The following CAMK4 variants were observed in gnomAD, a reference collection of about 807,000 sequenced individuals.
CAMK4 encodes the protein calcium/calmodulin dependent protein kinase IV, also known as calcium/calmodulin-dependent protein kinase type IV.
Under a neutral mutation model 44.9 loss-of-function variants are expected in CAMK4, and 22 were observed. The ratio of observed to expected loss-of-function variants is 0.49; its 90% CI spans 0.35 to 0.70. The LOEUF is 0.70. Ranked by LOEUF, CAMK4 falls within the 30% of genes least tolerant of loss-of-function variation. The pLI is 0.01. For missense variants in CAMK4, 498 were observed against 586.8 expected (o/e 0.85, Z 1.56); for synonymous variants, 218 against 215.4 (o/e 1.01, Z -0.11).
chr5:111,292,305 C>G (rs1747304912), intron 1 of CAMK4, among the ~76,000 whole-genome samples: 1 of 152,090 alleles, frequency 6.6e-6, no homozygotes, highest in African/African-American at 2.4e-5. Flanking sequence ...GCCTTTAAAA[C>G]TTATTTTTCA....
intron 1 of CAMK4, among the ~76,000 whole-genome samples, chr5:111,326,976 C>G (rs1748918926): frequency 6.6e-6 from 1 of 151,506 alleles, no homozygotes; most frequent in Non-Finnish European, 1.5e-5. Context: ...AAATAGAAAG[C>G]TGAGTGCTTT....
chr5:111,360,316 G>A lies in CAMK4; in HGVS notation c.241-14534G>A, dbSNP rs147221784. The stretch of plus-strand genomic sequence containing the variant: ...TCTGGCTTAGATAACCCAGGGAAGC[G>A]TGGTGAGCATGAAGAGGCCACATAC... On this transcript the variant is annotated intron_variant, in intron 2 of 10. Coordinates refer to ENST00000282356, the MANE Select transcript of CAMK4 (RefSeq NM_001744.6). Among the ~76,000 whole-genome samples the A allele has an allele frequency of 1.6e-3, 244 of 152,152 alleles. 1 individual carries two copies. The highest frequency in any genetic ancestry group is 5.6e-3 in the African/African-American group (231 of 41,538).
intron 5 of CAMK4, among the ~76,000 whole-genome samples, chr5:111,446,218 C>T (rs922387063): frequency 1.7e-4 from 26 of 152,290 alleles, no homozygotes; most frequent in African/African-American, 6.3e-4. Context: ...TATAATAACT[C>T]ACATCTATAT....
intron 1 of CAMK4, among the ~76,000 whole-genome samples, chr5:111,312,672 A>G (rs916631924): frequency 6.6e-6 from 1 of 152,164 alleles, no homozygotes; most frequent in Non-Finnish European, 1.5e-5. Flanking sequence ...ATTAAATAAG[A>G]TTCTTTAGGT....
chr5:111,415,076 T>G (rs1437015400), intron 5 of CAMK4, among the ~76,000 whole-genome samples: 1 of 152,228 alleles, frequency 6.6e-6, no homozygotes, highest in African/African-American at 2.4e-5. Context: ...ACAGTGCCCC[T>G]GTCATCATAG....
chr5:111,276,361 T>C (rs1750761299), intron 1 of CAMK4, among the ~76,000 whole-genome samples: 1 of 152,184 alleles, frequency 6.6e-6, no homozygotes. Context: ...CCCCAAAATC[T>C]TGCAGCTATC....
chr5:111,443,275 T>C lies in CAMK4; in HGVS notation c.460-3411T>C, dbSNP rs1425941576. ...ATATATATATATATATATATATATA[T>C]ATATACACACACACACACACACACA... On this transcript the variant is annotated intron_variant, in intron 5 of 10. Transcript: ENST00000282356. Among the ~76,000 whole-genome samples, 348 of 47,120 alleles carry C rather than the reference T, an allele frequency of 7.4e-3. 1 individual carries two copies. The highest frequency in any genetic ancestry group is 0.033 in the African/African-American group (338 of 10,298). The allele number at this position is 47,120 out of a possible 152,430, so 30.9% of individuals were successfully genotyped here.
upstream of CAMK4, chr5:111,223,718 C>T: frequency 6.6e-6 from 1 of 152,486 alleles, no homozygotes; most frequent in Non-Finnish European, 1.5e-5. The surrounding 1 kb of genome is among the most constrained non-coding windows in gnomAD (Gnocchi z 4.3). Flanking sequence ...TGAGTCAGGT[C>T]AGTGTGGACC....
chr5:111,264,887 A>G (rs1447218581), intron 1 of CAMK4, among the ~76,000 whole-genome samples: 1 of 152,132 alleles, frequency 6.6e-6, no homozygotes, highest in East Asian at 1.9e-4. Flanking sequence ...GCTGATTGAC[A>G]TGGTGTCAGA....
At chr5:111,429,777 C>CAAAAAAAAAAAAA (rs70973607) in intron 5 of CAMK4, among the ~76,000 whole-genome samples, 7 of 26,352 alleles carry the variant, frequency 2.7e-4, no homozygotes, top group African/African-American at 5.8e-4. Flanking sequence ...GACCTCATCT[C>CAAAAAAAAAAAAA]AAAAAAAAAA....
Position 111,491,501 on chromosome 5 carries a change from G to T in CAMK4, c.*7035G>T. 1.3e-5 allele frequency: 2 copies of T among 148,632 alleles called. No homozygotes were observed. Among genetic ancestry groups the T allele is most frequent in the African/African-American group, 5.0e-5 (2 of 40,184 alleles). 9.2% of individuals were successfully genotyped at this position (148,632 alleles called of 1,614,324 possible). A position where few individuals can be genotyped will look rare whatever the true frequency, so the allele number is the denominator to read the frequency against. Reference sequence around the variant, plus strand: ...CTTCTGAGAAAGTTAGGAAAATTTTGTTTTATGTTGCAGATGCTCTCACAA... The same window carrying T: ...CTTCTGAGAAAGTTAGGAAAATTTTTTTTTATGTTGCAGATGCTCTCACAA... On this transcript the variant is annotated 3_prime_UTR_variant, in exon 11 of 11. Transcript: ENST00000282356.
chr5:111,387,979 C>G (rs1327624465), intron 4 of CAMK4, among the ~76,000 whole-genome samples: 3 of 152,148 alleles, frequency 2.0e-5, no homozygotes, highest in African/African-American at 4.8e-5. Flanking sequence ...TGCTATTGAA[C>G]TTTTCAGTCA....
intron 1 of CAMK4, among the ~76,000 whole-genome samples, chr5:111,340,571 C>T (rs773688432): frequency 1.3e-5 from 2 of 151,244 alleles, no homozygotes; most frequent in African/African-American, 2.4e-5. Context: ...AACACTTGAC[C>T]ATGATGAATG....
At chr5:111,299,003 C>T (rs1230911507) in intron 1 of CAMK4, among the ~76,000 whole-genome samples, 1 of 152,228 alleles carries the variant, frequency 6.6e-6, no homozygotes, top group Non-Finnish European at 1.5e-5. Context: ...TCATAAGTAG[C>T]TTAGCTGGGA....
intron 5 of CAMK4, among the ~76,000 whole-genome samples, chr5:111,424,434 C>CTTTTTTTT (rs34618322): frequency 3.2e-4 from 21 of 64,914 alleles, no homozygotes; most frequent in Admixed American, 4.7e-4. Flanking sequence ...ATCTTCTATT[C>CTTTTTTTT]TTTTTTTTTT....
chr5:111,239,055 T>C (rs1748873251), intron 1 of CAMK4, among the ~76,000 whole-genome samples: 1 of 151,896 alleles, frequency 6.6e-6, no homozygotes, highest in Non-Finnish European at 1.5e-5. Context: ...TGTTGCCAAC[T>C]AGAAGCTCAG....
chr5:111,466,378 G>C (rs560418297), intron 7 of CAMK4, among the ~76,000 whole-genome samples: 1 of 152,004 alleles, frequency 6.6e-6, no homozygotes, highest in Non-Finnish European at 1.5e-5. Flanking sequence ...AGAAATAAAA[G>C]GTATCCAAAT....
intron 1 of CAMK4, among the ~76,000 whole-genome samples, chr5:111,301,203 C>G (rs1249800267): frequency 6.6e-6 from 1 of 152,070 alleles, no homozygotes; most frequent in Non-Finnish European, 1.5e-5. Context: ...CAGGCAACAT[C>G]TCTTCCTAGC....
intron 1 of CAMK4, among the ~76,000 whole-genome samples, chr5:111,236,248 G>C (rs539498680): frequency 3.3e-5 from 5 of 152,198 alleles, no homozygotes; most frequent in Admixed American, 6.5e-5. Context: ...ACCTTACTTA[G>C]TTCAGTTTAT....
Sources: allele counts gnomAD v4.1 joint callset (sites outside exome capture counted in the v4.1 genomes callset), GRCh38; gene constraint gnomAD v4.1.1; non-coding constraint Gnocchi (gnomAD v3.1); transcripts MANE v1.5; gene names NCBI Gene and HGNC (gene_info 2026-07-23, HGNC 2026-07-21).